Variants in DPY19L4 observed in about 807,000 individuals in gnomAD.
The protein encoded by DPY19L4 is probable C-mannosyltransferase DPY19L4.
DPY19L4 carries 97 observed loss-of-function variants against 102.8 expected under a neutral mutation model. The observed-to-expected ratio is 0.94, with a 90% CI of 0.80 to 1.12. The LOEUF is 1.12. Among genes scored for constraint, DPY19L4 ranks in the 50% most tolerant of loss-of-function variants. DPY19L4 has a pLI of 0.00. For missense variants in DPY19L4, 815 were observed against 850.4 expected, an observed-to-expected ratio of 0.96 and a Z score of 0.52; for synonymous variants, 252 against 283.1, an observed-to-expected ratio of 0.89 and a Z score of 1.10.
intron 6 of DPY19L4, among the ~76,000 whole-genome samples, chr8:94,746,883 CTTTCTTTCTT>C (rs1209134873): frequency 1.3e-5 from 2 of 151,972 alleles, no homozygotes; most frequent in Non-Finnish European, 2.9e-5. Flanking sequence ...TTCTTGCTTT[CTTTCTTTCTT>C]TTTCTTTCTT....
At chr8:94,727,321 C>T (rs996520773) in intron 2 of DPY19L4, among the ~76,000 whole-genome samples, 3 of 152,186 alleles carry the variant, frequency 2.0e-5, no homozygotes, top group African/African-American at 4.8e-5. Flanking sequence ...GCAACCTCCA[C>T]CTTCTGGGTT....
intron 1 of DPY19L4, among the ~76,000 whole-genome samples, chr8:94,725,934 G>C (rs1413857984): frequency 1.3e-5 from 2 of 152,120 alleles, no homozygotes; most frequent in East Asian, 3.9e-4. Context: ...ACAGCGCCCG[G>C]CTATGTTTTG....
In DPY19L4 at chr8:94,793,244, G is replaced by GA. The variant is rs1813931618; in HGVS notation, c.*3339dup. Reference sequence around the variant, plus strand: ...TCAAAGTGTGTTATAAATTGAGACTGAAAAACATGCTTTAAAAAATAGATT... The same window carrying GA: ...TCAAAGTGTGTTATAAATTGAGACTGAAAAAACATGCTTTAAAAAATAGATT... On this transcript the variant is annotated 3_prime_UTR_variant, in exon 19 of 19. Coordinates refer to ENST00000414645, the MANE Select transcript of DPY19L4 (RefSeq NM_181787.3). The GA allele has an allele frequency of 6.6e-6, 1 of 152,178 alleles. No homozygotes were observed. The highest frequency in any genetic ancestry group is 6.5e-5 in the Admixed American group (1 of 15,278). The allele number at this position is 152,178 out of a possible 1,614,324, so 9.4% of individuals were successfully genotyped here. A position where few individuals can be genotyped will look rare whatever the true frequency, so the allele number is the denominator to read the frequency against.
chr8:94,765,585 T>C (rs1812639643), intron 9 of DPY19L4, 126 bp from the exon 10 acceptor site: 1 of 789,456 alleles, frequency 1.3e-6, no homozygotes, highest in African/African-American at 1.8e-5. Flanking sequence ...ATCCCCTATC[T>C]TTGGTCTCCC....
intron 6 of DPY19L4, among the ~76,000 whole-genome samples, chr8:94,754,328 G>A (rs568463395): frequency 6.6e-6 from 1 of 152,200 alleles, no homozygotes; most frequent in African/African-American, 2.4e-5. Context: ...TTTGAAGTAT[G>A]TGTTTGTTTC....
At chr8:94,775,626 G>A (rs35769195) in intron 13 of DPY19L4, among the ~76,000 whole-genome samples, 17,158 of 152,232 alleles carry the variant, frequency 0.11, 1,118 homozygotes, top group Non-Finnish European at 0.15. Context: ...TGTACCCAGG[G>A]ATATTTCTTC....
intron 14 of DPY19L4, among the ~76,000 whole-genome samples, chr8:94,779,458 G>A (rs568132154): frequency 1.4e-3 from 218 of 151,354 alleles, no homozygotes; most frequent in Non-Finnish European, 2.6e-3. Flanking sequence ...GAGTAGCTGG[G>A]ACTTCAGGCA....
At chr8:94,758,287 G>A (rs1339956741) in intron 7 of DPY19L4, among the ~76,000 whole-genome samples, 72 of 152,134 alleles carry the variant, frequency 4.7e-4, no homozygotes, top group Admixed American at 4.7e-3. Context: ...TATCTTGCAT[G>A]ACCATAATAC....
rs376399636 is a variant in DPY19L4, at chr8:94,734,645, G to A, written c.143G>A (p.Arg48His). Reference protein sequence around the residue: ...ERAPKHVLFQRFAKIFIGCLA... With the variant: ...ERAPKHVLFQHFAKIFIGCLA... ...ACTTTTTCAGATGTATTATTTCAAC[G>A]CTTTGCAAAGATTTTCATTGGCTGT... Residue 48 changes from arginine (R) to histidine (H), a missense_variant, in exon 3 of 19, where the codon CGC (arginine) becomes CAC (histidine). Arg to His is a conservative substitution (Grantham distance 29). Transcript: ENST00000414645. 1.7e-5 allele frequency: 28 copies of A among 1,613,208 alleles called. No individual in the cohort carries two copies. The highest frequency in any genetic ancestry group is 2.2e-5 in the East Asian group (1 of 44,842).
intron 6 of DPY19L4, among the ~76,000 whole-genome samples, chr8:94,746,359 C>G (rs1811674691): frequency 6.6e-6 from 1 of 152,074 alleles, no homozygotes; most frequent in African/African-American, 2.4e-5. Context: ...CCATGCCCAG[C>G]TTGTTTGTAA....
chr8:94,754,541 T>C (rs1431691992), intron 6 of DPY19L4, among the ~76,000 whole-genome samples: 1 of 152,178 alleles, frequency 6.6e-6, no homozygotes, highest in East Asian at 1.9e-4. Context: ...GGGAACCAAG[T>C]TAACATGCAA....
At chr8:94,744,847 A>G in intron 6 of DPY19L4, 2 of 286,506 alleles carry the variant, frequency 7.0e-6, no homozygotes, top group Non-Finnish European at 6.9e-6. Context: ...TTGACCTGGT[A>G]TATTCTACTC....
intron 13 of DPY19L4, among the ~76,000 whole-genome samples, chr8:94,771,508 A>T (rs1364550196): frequency 6.6e-6 from 1 of 152,254 alleles, no homozygotes; most frequent in Non-Finnish European, 1.5e-5. Flanking sequence ...TGTCAATCAT[A>T]CAAAAATAAA....
Position 94,765,190 on chromosome 8 carries a change from A to G in DPY19L4, c.878A>G (p.Glu293Gly). 6.7e-7 allele frequency: 1 copy of G among 1,503,110 alleles called. No individual in the cohort carries two copies. Among genetic ancestry groups the G allele is most frequent in the Non-Finnish European group, 9.1e-7 (1 of 1,098,132 alleles). 93.1% of individuals were successfully genotyped at this position (1,503,110 alleles called of 1,614,324 possible). ...FSVEQSDKVY[E>G]VYKIYIFSLF... ...TTATTTTTGTCACAACAGGTTTATG[A>G]AGTTTATAAAATCTACATATTTTCC... The change falls in exon 9 of 19, where the codon GAA becomes GGA. Residue 293 changes from glutamate (E) to glycine (G), a missense_variant. Physicochemically the swap from Glu to Gly is moderately conservative, Grantham distance 98 (BLOSUM62 -2). Transcript: ENST00000414645.
At chr8:94,759,553 C>A (rs924135646) in intron 7 of DPY19L4, among the ~76,000 whole-genome samples, 1 of 124,084 alleles carries the variant, frequency 8.1e-6, no homozygotes, top group African/African-American at 3.2e-5. Context: ...GTTGCCCAGG[C>A]TAGAGTGCAA....
At chr8:94,775,151 C>A (rs1428596424) in intron 13 of DPY19L4, among the ~76,000 whole-genome samples, 2 of 151,796 alleles carry the variant, frequency 1.3e-5, no homozygotes, top group Non-Finnish European at 2.9e-5. Context: ...CCATTGTGCC[C>A]CTAGATCAGC....
At chr8:94,748,052 T>G (rs1052712711) in intron 6 of DPY19L4, among the ~76,000 whole-genome samples, 2 of 152,190 alleles carry the variant, frequency 1.3e-5, no homozygotes, top group African/African-American at 4.8e-5. Context: ...CATTTGATTT[T>G]GTCACCTCCC....
chr8:94,777,748 A>C lies in DPY19L4; in HGVS notation c.1537A>C (p.Lys513Gln), dbSNP rs535282179. 2 of 1,614,020 alleles carry C rather than the reference A, an allele frequency of 1.2e-6. No individual in the cohort carries two copies. The highest frequency in any genetic ancestry group is 1.7e-6 in the Non-Finnish European group (2 of 1,179,960). The change falls in exon 14 of 19, where the codon AAG (lysine) becomes CAG (glutamine). Residue 513 changes from lysine (K) to glutamine (Q), a missense_variant. Lys to Gln is a moderately conservative substitution (Grantham distance 53, BLOSUM62 1). Transcript: ENST00000414645. ...TCCCGAACTTTGGATGACACTTTTC[A>C]AGTGGCTTCGATTAAGAACTGTACA... ...CSPELWMTLF[K>Q]WLRLRTVHPI...
chr8:94,750,844 G>T (rs527946077), intron 6 of DPY19L4, among the ~76,000 whole-genome samples: 1 of 150,316 alleles, frequency 6.7e-6, no homozygotes, highest in Admixed American at 6.6e-5. Flanking sequence ...GTGCAGTGGC[G>T]CAATCTCGGC....
Sources: gnomAD v4.1 joint callset for allele counts (sites outside exome capture counted in the v4.1 genomes callset) on GRCh38, gnomAD v4.1.1 for gene constraint, MANE v1.5 for transcripts, NCBI Gene and HGNC (gene_info 2026-07-23, HGNC 2026-07-21) for gene names.